Variants in ITGA3 observed in about 807,000 individuals in gnomAD.
ITGA3 encodes the protein integrin alpha-3.
In ITGA3, 70 loss-of-function variants were observed where a neutral mutation model predicts 131.1. The ratio of observed to expected loss-of-function variants is 0.53; its 90% CI spans 0.44 to 0.65. The LOEUF (loss-of-function observed/expected upper bound fraction) is 0.65, where lower values mean the gene tolerates loss of function less well. Ranked by LOEUF, ITGA3 falls within the 30% of genes least tolerant of loss-of-function variation. The pLI, the probability that ITGA3 is intolerant of heterozygous loss-of-function variation, is 0.00. For missense variants in ITGA3, 1,098 were observed against 1,388.6 expected, an observed-to-expected ratio of 0.79 and a Z score of 3.33; for synonymous variants, 537 against 571.6, an observed-to-expected ratio of 0.94 and a Z score of 0.86.
intron 10 of ITGA3, 50 bp downstream of exon 10, chr17:50,074,584 G>A (rs1567700708): frequency 1.5e-6 from 2 of 1,362,760 alleles, no homozygotes; most frequent in South Asian, 1.2e-5. Context: ...GGGAGGCTAG[G>A]AGGGGCTGCA....
intron 23 of ITGA3, among the ~76,000 whole-genome samples, chr17:50,081,722 C>T (rs1476631750): frequency 1.3e-5 from 2 of 152,166 alleles, no homozygotes; most frequent in African/African-American, 2.4e-5. Context: ...GGGACTGCCT[C>T]TCTATTTTAT....
At chr17:50,076,160 T>C (rs1908878684) in intron 12 of ITGA3, among the ~76,000 whole-genome samples, 166 bp from the exon 13 acceptor site, 1 of 144,432 alleles carries the variant, frequency 6.9e-6, no homozygotes, top group African/African-American at 2.6e-5. Context: ...GTCAGGATAG[T>C]AGGAAGTCGC....
chr17:50,078,381 C>A, intron 18 of ITGA3, 97 bp downstream of exon 18: 1 of 970,690 alleles, frequency 1.0e-6, no homozygotes, highest in Non-Finnish European at 1.6e-6. Flanking sequence ...TGACCCCTCT[C>A]TTGGCCCAGT....
chr17:50,076,684 G>A lies in ITGA3; in HGVS notation c.1922+3G>A, dbSNP rs1908921288. On this transcript the variant is annotated splice_donor_region_variant and intron_variant, in intron 14 of 25. Transcript: ENST00000320031. Reference sequence around the variant, plus strand: ...GAGCAGCAGCAGAAGCTGAGCAGGTGGCTGTGGGCCGCCGGCCGCGTTAAT... The same window carrying A: ...GAGCAGCAGCAGAAGCTGAGCAGGTAGCTGTGGGCCGCCGGCCGCGTTAAT... 1.2e-6 allele frequency: 2 copies of A among 1,612,214 alleles called. No homozygotes were observed. The highest frequency in any genetic ancestry group is 1.7e-6 in the Non-Finnish European group (2 of 1,178,734).
rs1908208457 is a variant in ITGA3, at chr17:50,064,032, G to C, written c.207-45G>C. The C allele has an allele frequency of 6.2e-7, 1 of 1,604,546 alleles. No individual in the cohort carries two copies. On this transcript the variant is annotated intron_variant, in intron 1 of 25. Coordinates refer to ENST00000320031, the MANE Select transcript of ITGA3 (RefSeq NM_002204.4). The surrounding 1 kb of genome is among the most constrained non-coding windows in gnomAD (Gnocchi z 4.4). ...TAAATAACAAGTTGTTCCAAGTGGG[G>C]CTTGGGGAGTCTGAACCCGGACCCA...
At chr17:50,073,550 C>T (rs1908725787) in intron 7 of ITGA3, among the ~76,000 whole-genome samples, 1 of 151,900 alleles carries the variant, frequency 6.6e-6, no homozygotes. Context: ...ATGACTGTGC[C>T]ACTGCACTCC....
rs565778216 is a variant in ITGA3 at position 50,074,167 on chromosome 17, A to T, written c.1269A>T (p.Gly423=). Residue 423 remains glycine, a synonymous_variant, in exon 9 of 26, where the codon GGA becomes GGT. Coordinates refer to ENST00000320031, the MANE Select transcript of ITGA3 (RefSeq NM_002204.4). Reference sequence around the variant, plus strand: ...AGGTAATCCATGGAGAGAAGCTGGGACTGCCTGGGTTGGCCACCTTCGGCT... The same window carrying T: ...AGGTAATCCATGGAGAGAAGCTGGGTCTGCCTGGGTTGGCCACCTTCGGCT... ...PQQVIHGEKL[G]LPGLATFGYS... The T allele has an allele frequency of 6.2e-7, 1 of 1,614,028 alleles. No homozygotes were observed. The highest frequency in any genetic ancestry group is 1.1e-5 in the South Asian group (1 of 91,076).
At chr17:50,076,820 C>T in intron 14 of ITGA3, 139 bp downstream of exon 14, 1 of 1,170,052 alleles carries the variant, frequency 8.5e-7, no homozygotes, top group Non-Finnish European at 1.2e-6. Context: ...TGGTCAGAAA[C>T]GGGGCTTTCT....
chr17:50,087,551 CTG>C lies in ITGA3; in HGVS notation c.2920-190_2920-189del, dbSNP rs567347483. 1.2e-3 allele frequency: 659 copies of C among 570,156 alleles called. 4 individuals carry two copies. The highest frequency in any genetic ancestry group is 0.011 in the African/African-American group (597 of 53,978). The allele number at this position is 570,156 out of a possible 1,614,324, so 35.3% of individuals were successfully genotyped here. A position where few individuals can be genotyped will look rare whatever the true frequency, so the allele number is the denominator to read the frequency against. On this transcript the variant is annotated intron_variant, in intron 23 of 25. Coordinates refer to ENST00000320031, the MANE Select transcript of ITGA3 (RefSeq NM_002204.4). ...TGAGGCCGCTCCTCTGGAGTCAAGT[CTG>C]TGCCTGGGAGAAGCAGGAAGGACCA...
In ITGA3 at chr17:50,072,008, G is replaced by T; in HGVS notation, c.982G>T (p.Ala328Ser). 1 of 1,613,308 alleles carries T rather than the reference G, an allele frequency of 6.2e-7. No individual in the cohort carries two copies. The change falls in exon 7 of 26, where the codon GCC (alanine) becomes TCC (serine). Residue 328 changes from alanine to serine, a missense_variant. Around this residue, in one of 3 missense-constraint regions of ITGA3, gnomAD observed 356 missense variants for 529.2 expected, o/e 0.67. Coordinates refer to ENST00000320031, the MANE Select transcript of ITGA3 (RefSeq NM_002204.4). ...NDGWQDLLVGAPYYFERKEEV... is the reference protein window; with the variant it reads ...NDGWQDLLVGSPYYFERKEEV... Reference sequence around the variant, plus strand: ...TAGGTGGCAGGACCTCCTGGTGGGCGCCCCCTACTACTTCGAGAGGAAAGA... The same window carrying T: ...TAGGTGGCAGGACCTCCTGGTGGGCTCCCCCTACTACTTCGAGAGGAAAGA...
chr17:50,077,935 G>T (rs981151654), intron 16 of ITGA3, 111 bp from the exon 17 acceptor site: 15 of 826,536 alleles, frequency 1.8e-5, no homozygotes, highest in Non-Finnish European at 2.9e-5. Context: ...ATAGGAGGAG[G>T]AGGAGAAGGC....
rs776549135 is a variant in ITGA3 at position 50,056,680 on chromosome 17, G to T, written c.206+35G>T. 6.4e-7 allele frequency: 1 copy of T among 1,562,130 alleles called. No homozygotes were observed. The highest frequency in any genetic ancestry group is 1.2e-5 in the South Asian group (1 of 85,112). ...GCTGGAGGGTGTGGGGTGGGAGCGA[G>T]AGAGTGTGCGAGCGCGGGATGCGGG... On this transcript the variant is annotated intron_variant, in intron 1 of 25. Coordinates refer to ENST00000320031, the MANE Select transcript of ITGA3 (RefSeq NM_002204.4). The surrounding 1 kb of genome is among the most constrained non-coding windows in gnomAD (Gnocchi z 5.6).
In ITGA3 at chr17:50,056,709, G is replaced by A. The variant is rs1360917411; in HGVS notation, c.206+64G>A. On this transcript the variant is annotated intron_variant, in intron 1 of 25. Transcript: ENST00000320031. This position sits in a 1 kb window ranked among gnomAD's most constrained non-coding sequence, Gnocchi z 5.6. ...GTGTGCGAGCGCGGGATGCGGGTCC[G>A]GAGCTGAGTCGGAGCCCAGGGCAGC... 2.7e-6 allele frequency: 4 copies of A among 1,496,968 alleles called. No homozygotes were observed. The highest frequency in any genetic ancestry group is 2.8e-5 in the African/African-American group (2 of 71,466). 92.7% of individuals were successfully genotyped at this position (1,496,968 alleles called of 1,614,324 possible).
At chr17:50,075,856 GT>G (rs1908866765) in intron 12 of ITGA3, 121 bp downstream of exon 12, 2 of 1,001,016 alleles carry the variant, frequency 2.0e-6, no homozygotes, top group South Asian at 3.1e-5. Context: ...GGGGACATCG[GT>G]TTGGAAGGCT....
intron 1 of ITGA3, chr17:50,063,677 C>G (rs1908195023): frequency 4.7e-6 from 1 of 211,236 alleles, no homozygotes; most frequent in African/African-American, 2.3e-5. Flanking sequence ...TCCAGCTATG[C>G]TGAGGGCCTT....
At chr17:50,071,887 A>G in intron 6 of ITGA3, 99 bp from the exon 7 acceptor site, 1 of 1,077,452 alleles carries the variant, frequency 9.3e-7, no homozygotes, top group Non-Finnish European at 1.3e-6. Flanking sequence ...AGCCATTTGC[A>G]GAGCCCTGTG....
At chr17:50,077,783 G>C (rs763924698) in intron 16 of ITGA3, among the ~76,000 whole-genome samples, 1 of 152,160 alleles carries the variant, frequency 6.6e-6, no homozygotes, top group Non-Finnish European at 1.5e-5. Flanking sequence ...CTCTTTTACA[G>C]AAGAGGAAAC....
intron 19 of ITGA3, 70 bp from the exon 20 acceptor site, chr17:50,079,006 G>C (rs1371973322): frequency 6.6e-7 from 1 of 1,516,556 alleles, no homozygotes; most frequent in Non-Finnish European, 9.2e-7. Flanking sequence ...GAAGGTGGGA[G>C]GGTTGGGGGT....
At chr17:50,076,007 G>A (rs1908871993) in intron 12 of ITGA3, among the ~76,000 whole-genome samples, 1 of 152,094 alleles carries the variant, frequency 6.6e-6, no homozygotes. Flanking sequence ...CCACCTCTGG[G>A]AAAAGGGGTC....
Sources: allele counts gnomAD v4.1 joint callset (sites outside exome capture counted in the v4.1 genomes callset), GRCh38; gene constraint gnomAD v4.1.1; regional missense constraint gnomAD v4.1.1; non-coding constraint Gnocchi (gnomAD v3.1); transcripts MANE v1.5; gene names NCBI Gene and HGNC (gene_info 2026-07-23, HGNC 2026-07-21).